Variants in TRPC1 observed in about 807,000 individuals in gnomAD.
TRPC1 encodes short transient receptor potential channel 1.
A neutral mutation model predicts 88.2 loss-of-function variants in TRPC1; 42 were observed. That is an observed-to-expected ratio of 0.48 (90% confidence interval 0.37 to 0.62). The LOEUF is 0.62. Among genes scored for constraint, TRPC1 ranks in the 20% least tolerant of loss-of-function variants. The pLI, the probability that TRPC1 is intolerant of heterozygous loss-of-function variation, is 0.00. For missense variants in TRPC1, 699 were observed against 957.3 expected (o/e 0.73, Z 3.56); for synonymous variants, 288 against 331.8 (o/e 0.87, Z 1.43).
At chr3:142,747,770 C>T (rs1456580468) in intron 3 of TRPC1, among the ~76,000 whole-genome samples, 2 of 152,108 alleles carry the variant, frequency 1.3e-5, no homozygotes, top group African/African-American at 4.8e-5. Flanking sequence ...AGAGTGCTTC[C>T]TATTGCCCTT....
chr3:142,789,479 T>C (rs926344642), intron 7 of TRPC1, among the ~76,000 whole-genome samples: 12 of 152,190 alleles, frequency 7.9e-5, no homozygotes, highest in Non-Finnish European at 1.2e-4. Flanking sequence ...TTTTTCTGTA[T>C]AAAATATGGG....
rs903736495 is a variant in TRPC1, at chr3:142,804,382, T to C, written c.1960-54T>C. ...CTGCAAGGTGTGGAAACATCCCCCA[T>C]ATTTGTGTGTGTATTAATATTCTAG... On this transcript the variant is annotated intron_variant, in intron 11 of 12. Transcript: ENST00000476941. 5.4e-6 allele frequency: 8 copies of C among 1,472,342 alleles called. 1 individual carries two copies. The highest frequency in any genetic ancestry group is 4.2e-5 in the South Asian group (3 of 71,418). The allele number at this position is 1,472,342 out of a possible 1,614,324, so 91.2% of individuals were successfully genotyped here. A position where few individuals can be genotyped will look rare whatever the true frequency, so the allele number is the denominator to read the frequency against.
At chr3:142,774,179 A>G (rs1935679441) in intron 4 of TRPC1, among the ~76,000 whole-genome samples, 1 of 152,224 alleles carries the variant, frequency 6.6e-6, no homozygotes, top group Non-Finnish European at 1.5e-5. Flanking sequence ...TCTGTGGGTT[A>G]GTTGGGGAAT....
intron 2 of TRPC1, among the ~76,000 whole-genome samples, chr3:142,738,602 A>G (rs1182638257): frequency 6.6e-6 from 1 of 152,162 alleles, no homozygotes; most frequent in Non-Finnish European, 1.5e-5. Context: ...TGGTTTCACA[A>G]TTGGAGGGCA....
At chr3:142,777,784 T>C in intron 5 of TRPC1, 21 bp downstream of exon 5, 1 of 1,596,098 alleles carries the variant, frequency 6.3e-7, no homozygotes. Flanking sequence ...ATGCAAATTA[T>C]ATAATGTATT....
intron 7 of TRPC1, among the ~76,000 whole-genome samples, chr3:142,786,184 G>A (rs543931585): frequency 7.0e-4 from 106 of 151,954 alleles, no homozygotes; most frequent in African/African-American, 2.4e-3. Context: ...CCATCTGTCC[G>A]TCTACTATTT....
At chr3:142,804,283 G>A in intron 11 of TRPC1, 105 bp downstream of exon 11, 1 of 1,189,942 alleles carries the variant, frequency 8.4e-7, no homozygotes, top group Non-Finnish European at 1.1e-6. Flanking sequence ...TTGAAAAATA[G>A]TATTTTTAAA....
intron 1 of TRPC1, among the ~76,000 whole-genome samples, chr3:142,732,174 A>C (rs1050565924): frequency 6.6e-6 from 1 of 152,186 alleles, no homozygotes; most frequent in African/African-American, 2.4e-5. Context: ...AGGGAAGTGA[A>C]AAATTACAAA....
chr3:142,744,216 C>G (rs1934456108), intron 3 of TRPC1, among the ~76,000 whole-genome samples: 1 of 151,880 alleles, frequency 6.6e-6, no homozygotes, highest in Non-Finnish European at 1.5e-5. Context: ...CAGTAAGATA[C>G]TAATTTTAAA....
In TRPC1 at chr3:142,806,065, C is replaced by G. The variant is rs1936784618; in HGVS notation, c.2212C>G (p.Leu738Val). The G allele has an allele frequency of 6.2e-7, 1 of 1,613,714 alleles. No individual in the cohort carries two copies. Among genetic ancestry groups the G allele is most frequent in the Non-Finnish European group, 8.5e-7 (1 of 1,179,878 alleles). ...AAACTATCAAAAAGTGATGTGCTGC[C>G]TAGTGCATCGTTACTTGACTTCCAT... ...DENYQKVMCC[L>V]VHRYLTSMRQ... The change falls in exon 13 of 13, where the codon CTA becomes GTA. Residue 738 changes from leucine (L) to valine (V), a missense_variant. Around this residue, in one of 4 missense-constraint regions of TRPC1, gnomAD observed 105 missense variants for 141.7 expected, o/e 0.74. Transcript: ENST00000476941.
intron 4 of TRPC1, among the ~76,000 whole-genome samples, chr3:142,750,396 A>C (rs1490186506): frequency 6.6e-6 from 1 of 152,360 alleles, no homozygotes; most frequent in Non-Finnish European, 1.5e-5. Flanking sequence ...AATGGTGATC[A>C]TTAAAAAGTC....
intron 2 of TRPC1, among the ~76,000 whole-genome samples, chr3:142,740,158 G>A (rs1934294715): frequency 6.6e-6 from 1 of 152,230 alleles, no homozygotes; most frequent in Non-Finnish European, 1.5e-5. Context: ...AGTCCCTGGT[G>A]CCAAAAAGGT....
chr3:142,790,955 GTAT>G lies in TRPC1; in HGVS notation c.1298-59_1298-57del, dbSNP rs140207884. ...TTTATTTAATATTTTGAGTCTTAAA[GTAT>G]TATTTAGTTTATTTATTGAATTAAG... On this transcript the variant is annotated intron_variant, in intron 7 of 12. Transcript: ENST00000476941. The G allele has an allele frequency of 3.3e-3, 4,313 of 1,292,134 alleles. 136 individuals are homozygous for G. The East Asian group carries it at 0.076, about 23-fold the overall frequency. 80.0% of individuals were successfully genotyped at this position (1,292,134 alleles called of 1,614,324 possible).
chr3:142,775,149 A>G (rs934721401), intron 4 of TRPC1, among the ~76,000 whole-genome samples: 7 of 152,208 alleles, frequency 4.6e-5, no homozygotes, highest in African/African-American at 1.7e-4. Flanking sequence ...AATTAACTAG[A>G]TCATAACTGA....
At position 142,801,156 on chromosome 3, in the gene TRPC1, G is replaced by A. The variant is rs532965427; in HGVS notation, c.1582-1013G>A. On this transcript the variant is annotated intron_variant, in intron 9 of 12. Transcript: ENST00000476941. ...GATTTACTGTCTTACAGCCATCTTTGTATGCTAGCACATGTAGATGTTCTT... is the reference window on the plus strand; with the variant it reads ...GATTTACTGTCTTACAGCCATCTTTATATGCTAGCACATGTAGATGTTCTT... 5.3e-5 allele frequency: 8 copies of A among 152,026 alleles called. No individual in the cohort carries two copies. The South Asian group carries it at 1.2e-3, about 24-fold the overall frequency. 9.4% of individuals were successfully genotyped at this position (152,026 alleles called of 1,614,324 possible).
In TRPC1 at chr3:142,804,571, A is replaced by C. The variant is rs1433484318; in HGVS notation, c.2095A>C (p.Ser699Arg). Residue 699 changes from serine to arginine, a missense_variant, in exon 12 of 13, where the codon AGT (serine) becomes CGT (arginine). This residue lies in a region of TRPC1 where 105 missense variants were observed against 141.7 expected (regional missense o/e 0.74). Coordinates refer to ENST00000476941, the MANE Select transcript of TRPC1 (RefSeq NM_001251845.2). ...KTICYMISSL[S>R]KWICSHTSKG... ...TATCTGCTATATGATTAGTAGCCTC[A>C]GTAAGTGGATTTGCTCTCATACATC... is the stretch of plus-strand genomic sequence containing the variant. 1.2e-6 allele frequency: 2 copies of C among 1,612,824 alleles called. No homozygotes were observed. Among genetic ancestry groups the C allele is most frequent in the Non-Finnish European group, 1.7e-6 (2 of 1,179,396 alleles).
intron 12 of TRPC1, among the ~76,000 whole-genome samples, chr3:142,805,775 G>C (rs1008471994): frequency 3.9e-5 from 6 of 152,068 alleles, no homozygotes; most frequent in Non-Finnish European, 7.4e-5. Flanking sequence ...ATAAACTAAG[G>C]ATTCCTAAGA....
intron 3 of TRPC1, among the ~76,000 whole-genome samples, chr3:142,746,459 C>T (rs1334500717): frequency 6.6e-6 from 1 of 151,948 alleles, no homozygotes; most frequent in African/African-American, 2.4e-5. Flanking sequence ...TGGAAAAGGG[C>T]TAGTTTTAGG....
rs1458059912 is a variant in TRPC1, at chr3:142,806,982, CAGTA to C, written c.*748_*751del. On this transcript the variant is annotated 3_prime_UTR_variant, in exon 13 of 13. Transcript: ENST00000476941. ...TTATATAGTTTTTGAAAAATACAGT[CAGTA>C]GATGTTTTATTTTTTAGCTATTCAG... 1 of 151,806 alleles carries C rather than the reference CAGTA, an allele frequency of 6.6e-6. No homozygotes were observed. Among genetic ancestry groups the C allele is most frequent in the Admixed American group, 6.6e-5 (1 of 15,238 alleles). The allele number at this position is 151,806 out of a possible 1,614,324, so 9.4% of individuals were successfully genotyped here. A position where few individuals can be genotyped will look rare whatever the true frequency, so the allele number is the denominator to read the frequency against.
Sources: allele counts gnomAD v4.1 joint callset (sites outside exome capture counted in the v4.1 genomes callset), GRCh38; gene constraint gnomAD v4.1.1; regional missense constraint gnomAD v4.1.1; transcripts MANE v1.5; gene names NCBI Gene and HGNC (gene_info 2026-07-23, HGNC 2026-07-21).